The following MRPL13 variants were observed in gnomAD, a reference collection of about 807,000 sequenced individuals.
MRPL13 encodes the protein large ribosomal subunit protein uL13m.
A neutral mutation model predicts 29.0 loss-of-function variants in MRPL13; 33 were observed. That is an observed-to-expected ratio of 1.14 (90% CI 0.86 to 1.52). The LOEUF (loss-of-function observed/expected upper bound fraction) is 1.52. Ranked by LOEUF, MRPL13 falls within the 40% of genes most tolerant of loss-of-function variation. The pLI, the probability that MRPL13 is intolerant of heterozygous loss-of-function variation, is 0.00. For missense variants in MRPL13, 227 were observed against 216.7 expected, an observed-to-expected ratio of 1.05 and a Z score of -0.30; for synonymous variants, 77 against 68.4, an observed-to-expected ratio of 1.13 and a Z score of -0.62.
intron 6 of MRPL13, among the ~76,000 whole-genome samples, chr8:120,398,383 G>A (rs1812547305): frequency 6.6e-6 from 1 of 152,076 alleles, no homozygotes; most frequent in Non-Finnish European, 1.5e-5. Context: ...CAATCCCCCA[G>A]CAAACTGCAA....
chr8:120,444,897 G>C (rs551608186), intron 1 of MRPL13, 171 bp downstream of exon 1: 2 of 649,780 alleles, frequency 3.1e-6, no homozygotes, highest in Middle Eastern at 2.8e-4. Context: ...ACAGACGAAC[G>C]ACATTAAGTG....
At chr8:120,400,746 A>G (rs1050293456) in intron 6 of MRPL13, among the ~76,000 whole-genome samples, 1 of 80,390 alleles carries the variant, frequency 1.2e-5, no homozygotes, top group Non-Finnish European at 2.6e-5. Flanking sequence ...ATAAATAAAA[A>G]AAATAGACTG....
intron 6 of MRPL13, among the ~76,000 whole-genome samples, 179 bp from the exon 7 acceptor site, chr8:120,396,304 C>G (rs543658243): frequency 1.3e-5 from 2 of 151,780 alleles, no homozygotes; most frequent in South Asian, 4.2e-4. Flanking sequence ...TAAAGTAGAA[C>G]AGTTAAGTGA....
Position 120,443,449 on chromosome 8 carries a change from T to C in MRPL13, c.28-141A>G, listed in dbSNP as rs1333648792. 6.1e-6 allele frequency: 5 copies of C among 814,928 alleles called. No homozygotes were observed. The East Asian group carries it at 2.1e-4, about 35-fold the overall frequency. The allele number at this position is 814,928 out of a possible 1,614,324, so 50.5% of individuals were successfully genotyped here. A position where few individuals can be genotyped will look rare whatever the true frequency, so the allele number is the denominator to read the frequency against. ...CAACAATTTCTTTGAAAAATAACTC[T>C]ATTGCTAAAGAATTTTTGTTTTCAT... On this transcript the variant is annotated intron_variant, in intron 1 of 6. Coordinates refer to ENST00000306185, the MANE Select transcript of MRPL13 (RefSeq NM_014078.6).
At chr8:120,403,236 A>G (rs375569640) in intron 6 of MRPL13, among the ~76,000 whole-genome samples, 2 of 152,206 alleles carry the variant, frequency 1.3e-5, no homozygotes, top group Non-Finnish European at 2.9e-5. Flanking sequence ...TAGCAAAGAC[A>G]TGGAATCAAC....
intron 4 of MRPL13, among the ~76,000 whole-genome samples, chr8:120,422,153 T>C (rs1278695590): frequency 2.0e-5 from 3 of 151,418 alleles, no homozygotes; most frequent in Non-Finnish European, 4.4e-5. Context: ...AAAATATCCT[T>C]CCCCCCAACC....
intron 6 of MRPL13, among the ~76,000 whole-genome samples, chr8:120,410,649 A>G (rs1390953720): frequency 6.6e-6 from 1 of 152,212 alleles, no homozygotes; most frequent in Admixed American, 6.5e-5. Context: ...ACATCAAATA[A>G]AAAATTCAGT....
chr8:120,431,952 C>A (rs980075706), intron 3 of MRPL13, 78 bp downstream of exon 3: 2 of 1,018,412 alleles, frequency 2.0e-6, no homozygotes, highest in African/African-American at 1.7e-5. Flanking sequence ...TATCTTTTTT[C>A]TTTTAAGTAA....
intron 4 of MRPL13, among the ~76,000 whole-genome samples, chr8:120,420,827 T>C (rs566917685): frequency 6.6e-6 from 1 of 152,120 alleles, no homozygotes; most frequent in Admixed American, 6.6e-5. Flanking sequence ...GGCATTTGAT[T>C]TTCATGTTTC....
At chr8:120,444,350 T>C (rs2130492585) in intron 1 of MRPL13, among the ~76,000 whole-genome samples, 1 of 152,298 alleles carries the variant, frequency 6.6e-6, no homozygotes, top group East Asian at 1.9e-4. Context: ...CTCCTATTCT[T>C]CCACCTGAAA....
At chr8:120,437,248 A>G (rs1354538940) in intron 2 of MRPL13, among the ~76,000 whole-genome samples, 1 of 152,212 alleles carries the variant, frequency 6.6e-6, no homozygotes, top group Non-Finnish European at 1.5e-5. Flanking sequence ...AGCAACTTTA[A>G]GAACAGCATC....
chr8:120,435,812 T>C (rs919813964), intron 2 of MRPL13, among the ~76,000 whole-genome samples: 1 of 152,202 alleles, frequency 6.6e-6, no homozygotes, highest in African/African-American at 2.4e-5. Context: ...CTTTTAATGA[T>C]AGCCATTCTG....
chr8:120,401,915 TA>T lies in MRPL13; in HGVS notation c.516-5791del, dbSNP rs1333174953. Among the ~76,000 whole-genome samples, 11 of 152,114 alleles carry T rather than the reference TA, an allele frequency of 7.2e-5. No individual in the cohort carries two copies. In the East Asian group the frequency reaches 1.9e-3, roughly 27 times the overall value. ...CCCATTCACAATTGCTACAAAAGAA[TA>T]AAATACCTAGGAATACAGCTAACAA... On this transcript the variant is annotated intron_variant, in intron 6 of 6. Coordinates refer to ENST00000306185, the MANE Select transcript of MRPL13 (RefSeq NM_014078.6).
intron 6 of MRPL13, among the ~76,000 whole-genome samples, chr8:120,407,848 T>C (rs55695515): frequency 0.21 from 31,537 of 152,124 alleles, 3,444 homozygotes; most frequent in Middle Eastern, 0.27. Context: ...TTTTCACTCT[T>C]ACATAATATT....
At chr8:120,428,893 A>G (rs1324230670) in intron 3 of MRPL13, among the ~76,000 whole-genome samples, 2 of 152,206 alleles carry the variant, frequency 1.3e-5, no homozygotes, top group East Asian at 3.9e-4. Flanking sequence ...TGGGAATTTT[A>G]CACTGTTGGT....
intron 6 of MRPL13, among the ~76,000 whole-genome samples, chr8:120,410,033 G>A (rs890637985): frequency 4.1e-4 from 62 of 152,170 alleles, no homozygotes; most frequent in African/African-American, 1.4e-3. Context: ...TCATCTACTG[G>A]GTTCAAAGCT....
At chr8:120,426,312 T>C (rs1277229308) in intron 3 of MRPL13, among the ~76,000 whole-genome samples, 1 of 152,110 alleles carries the variant, frequency 6.6e-6, no homozygotes, top group African/African-American at 2.4e-5. Flanking sequence ...TTCCCTTCAA[T>C]AAAATTTGAA....
chr8:120,418,846 T>C (rs1231115171), intron 5 of MRPL13, among the ~76,000 whole-genome samples: 1 of 152,036 alleles, frequency 6.6e-6, no homozygotes, highest in Admixed American at 6.6e-5. Flanking sequence ...GAAATTATTC[T>C]ACTTATTCAC....
intron 6 of MRPL13, among the ~76,000 whole-genome samples, chr8:120,409,666 CTAACA>C (rs1349402933): frequency 1.3e-5 from 2 of 152,046 alleles, no homozygotes; most frequent in Admixed American, 6.5e-5. Context: ...AATAAACTTC[CTAACA>C]TATTTTCACA....
Sources: gnomAD v4.1 joint callset for allele counts (sites outside exome capture counted in the v4.1 genomes callset) on GRCh38, gnomAD v4.1.1 for gene constraint, MANE v1.5 for transcripts, NCBI Gene and HGNC (gene_info 2026-07-23, HGNC 2026-07-21) for gene names.